Variants in DMXL1 observed in about 807,000 individuals in gnomAD.
The protein encoded by DMXL1 is Dmx like 1, also known as dmX-like protein 1.
In DMXL1, 99 loss-of-function variants were observed where a neutral mutation model predicts 319.2. The ratio of observed to expected loss-of-function variants is 0.31; its 90% CI spans 0.26 to 0.37. DMXL1 has a LOEUF of 0.37. Among genes scored for constraint, DMXL1 ranks in the 10% least tolerant of loss-of-function variants. DMXL1 has a pLI of 1.00. For synonymous variants in DMXL1, 1,385 were observed against 1,235.2 expected, an observed-to-expected ratio of 1.12 and a Z score of -2.54; for missense variants, 3,745 against 3,595.6, an observed-to-expected ratio of 1.04 and a Z score of -1.06.
At chr5:119,119,073 C>G (rs1331096062) in intron 8 of DMXL1, 69 bp downstream of exon 8, 4 of 1,025,306 alleles carry the variant, frequency 3.9e-6, no homozygotes, top group Non-Finnish European at 5.5e-6. Flanking sequence ...TTTGGTAACA[C>G]AGTAATGTTA....
chr5:119,243,529 G>A (rs1010570603), intron 42 of DMXL1, among the ~76,000 whole-genome samples: 5 of 151,942 alleles, frequency 3.3e-5, no homozygotes, highest in Admixed American at 1.3e-4. Context: ...TTGTTAGGCT[G>A]GACTCTTTTT....
rs1464285292 is a variant in DMXL1 at position 119,149,355 on chromosome 5, T to G, written c.3528T>G (p.Thr1176=). 6.2e-7 allele frequency: 1 copy of G among 1,613,944 alleles called. No homozygotes were observed. Among genetic ancestry groups the G allele is most frequent in the South Asian group, 1.1e-5 (1 of 91,070 alleles). Residue 1176 remains threonine, a synonymous_variant, in exon 18 of 44, where the codon ACT becomes ACG. Coordinates refer to ENST00000539542, the MANE Select transcript of DMXL1 (RefSeq NM_001290321.3). The stretch of plus-strand genomic sequence containing the variant: ...TGGCTGGCAAGGTACAAGACCAAAC[T>G]GGTAAGGAAACCCTGGCATTTCCTC... ...GPLAGKVQDQ[T]GKETLAFPLW...
At chr5:119,084,685 GA>G (rs1160363195) in intron 1 of DMXL1, among the ~76,000 whole-genome samples, 3 of 151,808 alleles carry the variant, frequency 2.0e-5, no homozygotes, top group African/African-American at 7.3e-5. Context: ...GACCAACATG[GA>G]AAAACCCCAT....
rs1455179650 is a variant in DMXL1 at position 119,167,769 on chromosome 5, A to G, written c.5303A>G (p.His1768Arg). 1.9e-6 allele frequency: 3 copies of G among 1,613,542 alleles called. No homozygotes were observed. Among genetic ancestry groups the G allele is most frequent in the South Asian group, 2.2e-5 (2 of 91,054 alleles). ...TGTTCATTGAACATAAATATGCATCATGATCCTTTTCTTCGGAGCATGGCA... is the reference window on the plus strand; with the variant it reads ...TGTTCATTGAACATAAATATGCATCGTGATCCTTTTCTTCGGAGCATGGCA... Reference protein sequence around the residue: ...ELCSLNINMHHDPFLRSMAYW... With the variant: ...ELCSLNINMHRDPFLRSMAYW... The change falls in exon 23 of 44, where the codon CAT becomes CGT. Residue 1768 changes from histidine (H) to arginine (R), a missense_variant. By Grantham distance (29) the His-to-Arg change is conservative (BLOSUM62 0). Coordinates refer to ENST00000539542, the MANE Select transcript of DMXL1 (RefSeq NM_001290321.3).
intron 8 of DMXL1, among the ~76,000 whole-genome samples, chr5:119,119,265 A>C (rs1761507074): frequency 6.6e-6 from 1 of 152,210 alleles, no homozygotes; most frequent in Non-Finnish European, 1.5e-5. Flanking sequence ...AAGTAACATG[A>C]AGTAAAATCT....
intron 41 of DMXL1, among the ~76,000 whole-genome samples, chr5:119,239,971 A>AAC (rs1554160581): frequency 4.8e-4 from 73 of 151,406 alleles, no homozygotes; most frequent in African/African-American, 1.7e-3. Flanking sequence ...AAAAAAAAAA[A>AAC]AAACAAAAAA....
chr5:119,118,924 C>G lies in DMXL1; in HGVS notation c.853C>G (p.His285Asp). The G allele has an allele frequency of 6.2e-7, 1 of 1,613,732 alleles. No homozygotes were observed. The highest frequency in any genetic ancestry group is 8.5e-7 in the Non-Finnish European group (1 of 1,179,818). The change falls in exon 8 of 44, where the codon CAT (histidine) becomes GAT (aspartate). Residue 285 changes from histidine (H) to aspartate (D), a missense_variant. Transcript: ENST00000539542. ...DCLLYGGDCS[H>D]WTESINLTNN... is the part of the protein sequence containing the mutation. ...TTTGCTATACGGAGGTGACTGCAGC[C>G]ATTGGACTGAATCAATTAATTTAAC...
chr5:119,141,377 G>A (rs1174437464), intron 13 of DMXL1, among the ~76,000 whole-genome samples: 1 of 152,050 alleles, frequency 6.6e-6, no homozygotes, highest in Non-Finnish European at 1.5e-5. Flanking sequence ...AAAGCTCCTA[G>A]ATCTGATAAA....
At chr5:119,115,911 C>G (rs1333497465) in intron 6 of DMXL1, among the ~76,000 whole-genome samples, 2 of 152,112 alleles carry the variant, frequency 1.3e-5, no homozygotes, top group African/African-American at 4.8e-5. Flanking sequence ...TCCCCTTACT[C>G]TAGTAATTAG....
chr5:119,192,334 T>G (rs1778842041), intron 29 of DMXL1, among the ~76,000 whole-genome samples: 1 of 152,204 alleles, frequency 6.6e-6, no homozygotes, highest in Non-Finnish European at 1.5e-5. Context: ...CCCCTGTGTT[T>G]TCAGTTCTCT....
At chr5:119,241,673 CACTTCCAGCATTACT>C (rs1305237613) in intron 42 of DMXL1, among the ~76,000 whole-genome samples, 11 of 152,176 alleles carry the variant, frequency 7.2e-5, no homozygotes, top group South Asian at 6.2e-4. Context: ...TTTTTGGGAG[CACTTCCAGCATTACT>C]AGTGGCATGT....
In DMXL1 at chr5:119,243,081, G is replaced by A. The variant is rs137883625; in HGVS notation, c.8705-1278G>A. On this transcript the variant is annotated intron_variant, in intron 42 of 43. Transcript: ENST00000539542. ...TGACCATGAAGGGGCATGAAGGAAC[G>A]TTCTGGGATGATGAAAATATTCTGT... is the stretch of plus-strand genomic sequence containing the variant. Among the ~76,000 whole-genome samples, 132 of 152,230 alleles carry A rather than the reference G, an allele frequency of 8.7e-4. 1 individual carries two copies. Among genetic ancestry groups the A allele is most frequent in the African/African-American group, 3.1e-3 (127 of 41,552 alleles).
chr5:119,091,444 T>C (rs1316711149), intron 1 of DMXL1, among the ~76,000 whole-genome samples: 2 of 152,098 alleles, frequency 1.3e-5, no homozygotes, highest in East Asian at 1.9e-4. Context: ...ACTCCTAGGC[T>C]CAAGGGATCC....
intron 1 of DMXL1, among the ~76,000 whole-genome samples, chr5:119,091,455 T>G (rs1394670828): frequency 6.6e-6 from 1 of 152,118 alleles, no homozygotes; most frequent in Non-Finnish European, 1.5e-5. Flanking sequence ...CAAGGGATCC[T>G]CCTGTTTTGG....
At chr5:119,126,964 T>C (rs1270642596) in intron 9 of DMXL1, 2 of 166,958 alleles carry the variant, frequency 1.2e-5, no homozygotes, top group East Asian at 1.9e-4. Context: ...TTGAACTTTT[T>C]TTTTTTTGAC....
chr5:119,133,639 C>G lies in DMXL1; in HGVS notation c.1715C>G (p.Ser572Cys). 5.6e-6 allele frequency: 9 copies of G among 1,614,154 alleles called. No homozygotes were observed. The highest frequency in any genetic ancestry group is 6.8e-6 in the Non-Finnish European group (8 of 1,180,024). ...CAAAAACCTTCTGGCCTCACCCGTT[C>G]CACATCAATGCTTATTTCTTCTGGT... is the stretch of plus-strand genomic sequence containing the variant. ...GKQKPSGLTR[S>C]TSMLISSGHN... Residue 572 changes from serine (S) to cysteine (C), a missense_variant, in exon 12 of 44, where the codon TCC becomes TGC. By Grantham distance (112) the Ser-to-Cys change is moderately radical. Around this residue, in one of 4 missense-constraint regions of DMXL1, gnomAD observed 2,096 missense variants for 1,985.4 expected, o/e 1.06. Transcript: ENST00000539542.
At chr5:119,188,520 TTGA>T (rs1369874191) in intron 28 of DMXL1, among the ~76,000 whole-genome samples, 1 of 152,252 alleles carries the variant, frequency 6.6e-6, no homozygotes, top group Non-Finnish European at 1.5e-5. Flanking sequence ...CACTTTTCAC[TTGA>T]TGAGAAGTTG....
At position 119,248,519 on chromosome 5, in the gene DMXL1, A is replaced by G. The variant is rs1440319409; in HGVS notation, c.*1300A>G. On this transcript the variant is annotated 3_prime_UTR_variant, in exon 44 of 44. Coordinates refer to ENST00000539542, the MANE Select transcript of DMXL1 (RefSeq NM_001290321.3). ...GCAGATGGGACTAAGTGTTTATGGGACAATTATGTACTATTTAACTTAAAT... is the reference window on the plus strand; with the variant it reads ...GCAGATGGGACTAAGTGTTTATGGGGCAATTATGTACTATTTAACTTAAAT... 6.6e-6 allele frequency: 1 copy of G among 152,464 alleles called. No homozygotes were observed. The highest frequency in any genetic ancestry group is 1.5e-5 in the Non-Finnish European group (1 of 67,896). The allele number at this position is 152,464 out of a possible 1,614,324, so 9.4% of individuals were successfully genotyped here. A position where few individuals can be genotyped will look rare whatever the true frequency, so the allele number is the denominator to read the frequency against.
At chr5:119,229,783 G>T (rs1786318588) in intron 38 of DMXL1, among the ~76,000 whole-genome samples, 1 of 152,192 alleles carries the variant, frequency 6.6e-6, no homozygotes, top group South Asian at 2.1e-4. Flanking sequence ...ATAAGCAGTT[G>T]TGCACTGTCA....
Sources: allele counts gnomAD v4.1 joint callset (sites outside exome capture counted in the v4.1 genomes callset), GRCh38; gene constraint gnomAD v4.1.1; regional missense constraint gnomAD v4.1.1; transcripts MANE v1.5; gene names NCBI Gene and HGNC (gene_info 2026-07-23, HGNC 2026-07-21).